Variants in RPGRIP1L observed in about 807,000 individuals in gnomAD.
RPGRIP1L encodes the protein protein fantom.
Under a neutral mutation model 160.4 loss-of-function variants are expected in RPGRIP1L, and 131 were observed. That is an observed-to-expected ratio of 0.82 (90% CI 0.71 to 0.94). The LOEUF is 0.94. RPGRIP1L is among the 40% of genes least tolerant of loss of function. The pLI is 0.00. For missense variants in RPGRIP1L, 1,522 were observed against 1,535.8 expected (o/e 0.99, Z 0.15); for synonymous variants, 510 against 515.8 (o/e 0.99, Z 0.15).
chr16:53,661,190 A>C (rs1195236801), intron 10 of RPGRIP1L, among the ~76,000 whole-genome samples: 2 of 151,404 alleles, frequency 1.3e-5, no homozygotes, highest in Admixed American at 1.3e-4. Flanking sequence ...GCTACTCAGG[A>C]GGCTGAGACA....
chr16:53,625,637 G>A (rs1162822135), intron 22 of RPGRIP1L, among the ~76,000 whole-genome samples: 3 of 152,230 alleles, frequency 2.0e-5, no homozygotes, highest in Non-Finnish European at 4.4e-5. Context: ...CCCCGTCTGG[G>A]ACGTGTACCC....
chr16:53,669,543 G>T (rs1189381023), intron 9 of RPGRIP1L, among the ~76,000 whole-genome samples: 1 of 151,586 alleles, frequency 6.6e-6, no homozygotes, highest in African/African-American at 2.4e-5. Context: ...AAGTAAATAT[G>T]AGAAAAACAT....
In RPGRIP1L at chr16:53,645,725, C is replaced by G. The variant is rs566547156; in HGVS notation, c.2583G>C (p.Leu861=). The change falls in exon 17 of 27, where the codon CTG becomes CTC. Residue 861 remains leucine, a synonymous_variant. Transcript: ENST00000647211. The part of the protein sequence containing the change: ...DLDRYLKSES[L]SFYVFDDSDT... ...CACTATCATCAAAAACATAAAAACTCAGAGACTCTGACTTAAGGTATCGAT... is the reference window on the plus strand; with the variant it reads ...CACTATCATCAAAAACATAAAAACTGAGAGACTCTGACTTAAGGTATCGAT... The G allele has an allele frequency of 6.2e-7, 1 of 1,614,078 alleles. No individual in the cohort carries two copies. Among genetic ancestry groups the G allele is most frequent in the South Asian group, 1.1e-5 (1 of 91,072 alleles).
intron 15 of RPGRIP1L, among the ~76,000 whole-genome samples, chr16:53,651,296 C>T (rs1240347428): frequency 6.6e-6 from 1 of 152,188 alleles, no homozygotes; most frequent in Non-Finnish European, 1.5e-5. Flanking sequence ...AATATGACTA[C>T]TTTTTATCGC....
At chr16:53,688,957 C>A (rs891974779) in intron 4 of RPGRIP1L, among the ~76,000 whole-genome samples, 1 of 151,698 alleles carries the variant, frequency 6.6e-6, no homozygotes, top group African/African-American at 2.4e-5. Flanking sequence ...CTAATTCTTA[C>A]GCTTTTCCTA....
chr16:53,622,799 C>CCACACACACACACACACA (rs201959082), intron 22 of RPGRIP1L, among the ~76,000 whole-genome samples: 22 of 135,888 alleles, frequency 1.6e-4, no homozygotes, highest in African/African-American at 6.1e-4. Flanking sequence ...AAAACAAAAA[C>CCACACACACACACACACA]CACACACACA....
chr16:53,642,718 C>CGAA, intron 17 of RPGRIP1L, among the ~76,000 whole-genome samples: 1 of 152,184 alleles, frequency 6.6e-6, no homozygotes, highest in South Asian at 2.1e-4. Context: ...GGACTGCTCT[C>CGAA]ATCTTACCCT....
At chr16:53,658,629 TA>T (rs1283287724) in intron 11 of RPGRIP1L, 142 bp downstream of exon 11, 15 of 842,558 alleles carry the variant, frequency 1.8e-5, no homozygotes, top group Non-Finnish European at 2.9e-5. Context: ...CTATGGAACA[TA>T]AACTACCTGA....
At chr16:53,625,087 G>A (rs1480516429) in intron 22 of RPGRIP1L, among the ~76,000 whole-genome samples, 2 of 152,110 alleles carry the variant, frequency 1.3e-5, no homozygotes, top group Non-Finnish European at 2.9e-5. Context: ...CCAGGCTGGA[G>A]TGCAGTGGCG....
intron 12 of RPGRIP1L, 88 bp from the exon 13 acceptor site, chr16:53,657,720 C>A: frequency 5.4e-6 from 4 of 737,950 alleles, no homozygotes; most frequent in South Asian, 3.6e-5. Flanking sequence ...ATAAATAATT[C>A]ATTGATTGAT....
intron 25 of RPGRIP1L, among the ~76,000 whole-genome samples, chr16:53,606,426 GAAACA>G (rs1021835641): frequency 6.6e-6 from 1 of 152,028 alleles, no homozygotes; most frequent in African/African-American, 2.4e-5. Context: ...TCCCAAATCA[GAAACA>G]AAACAAGAAA....
chr16:53,653,030 C>T lies in RPGRIP1L; in HGVS notation c.1700-43G>A, dbSNP rs150521330. 204 of 1,527,316 alleles carry T rather than the reference C, an allele frequency of 1.3e-4. 1 individual carries two copies. The African/African-American group carries it at 2.2e-3, about 17-fold the overall frequency. The allele number at this position is 1,527,316 out of a possible 1,614,324, so 94.6% of individuals were successfully genotyped here. A position where few individuals can be genotyped will look rare whatever the true frequency, so the allele number is the denominator to read the frequency against. The stretch of plus-strand genomic sequence containing the variant: ...CAGTTTAGAGATTTCAAAATATTGA[C>T]ATGAGAAAATGAAAACTGGCTTTTG... On this transcript the variant is annotated intron_variant, in intron 14 of 26. Coordinates refer to ENST00000647211, the MANE Select transcript of RPGRIP1L (RefSeq NM_015272.5).
intron 9 of RPGRIP1L, among the ~76,000 whole-genome samples, chr16:53,666,566 ATGTG>A (rs112955038): frequency 8.0e-5 from 11 of 136,716 alleles, no homozygotes; most frequent in East Asian, 4.2e-4. Context: ...GAGTACATCT[ATGTG>A]TGTGTGTGTG....
chr16:53,677,805 G>A (rs962385929), intron 6 of RPGRIP1L, among the ~76,000 whole-genome samples: 1 of 152,100 alleles, frequency 6.6e-6, no homozygotes, highest in African/African-American at 2.4e-5. Context: ...AATAGACTTA[G>A]GGCTAATTTT....
intron 25 of RPGRIP1L, among the ~76,000 whole-genome samples, chr16:53,608,564 A>G (rs755418259): frequency 3.9e-5 from 6 of 152,194 alleles, no homozygotes; most frequent in Admixed American, 6.5e-5. Flanking sequence ...TGACACGTGT[A>G]TATTTGCAAA....
At chr16:53,643,306 TAAAA>T (rs77427391) in intron 17 of RPGRIP1L, among the ~76,000 whole-genome samples, 4 of 111,390 alleles carry the variant, frequency 3.6e-5, no homozygotes, top group African/African-American at 3.2e-5. Flanking sequence ...AGACTCCATC[TAAAA>T]AAAAAAAAAA....
At chr16:53,660,891 T>TA (rs534819342) in intron 10 of RPGRIP1L, among the ~76,000 whole-genome samples, 418 of 117,046 alleles carry the variant, frequency 3.6e-3, no homozygotes, top group East Asian at 0.01. Context: ...AGACTACATC[T>TA]AAAAAAAAAA....
intron 24 of RPGRIP1L, among the ~76,000 whole-genome samples, chr16:53,615,708 C>T (rs1332272546): frequency 6.6e-6 from 1 of 151,196 alleles, no homozygotes; most frequent in East Asian, 1.9e-4. Flanking sequence ...TCATGATCTG[C>T]CCACCTCCGC....
At chr16:53,688,090 A>T in intron 4 of RPGRIP1L, 125 bp from the exon 5 acceptor site, 1 of 651,978 alleles carries the variant, frequency 1.5e-6, no homozygotes, top group Non-Finnish European at 2.7e-6. Context: ...GTTTTATAGT[A>T]CACAGAATTA....
Sources: gnomAD v4.1 joint callset for allele counts (sites outside exome capture counted in the v4.1 genomes callset) on GRCh38, gnomAD v4.1.1 for gene constraint, MANE v1.5 for transcripts, NCBI Gene and HGNC (gene_info 2026-07-23, HGNC 2026-07-21) for gene names.